The following SH3BP4 variants were observed in gnomAD, a reference collection of about 807,000 sequenced individuals.
The protein encoded by SH3BP4 is SH3 domain binding protein 4.
SH3BP4 carries 33 observed loss-of-function variants against 65.5 expected under a neutral mutation model. The ratio of observed to expected loss-of-function variants is 0.50; its 90% CI spans 0.38 to 0.67. The LOEUF (loss-of-function observed/expected upper bound fraction) is 0.67, where lower values mean the gene tolerates loss of function less well. SH3BP4 is among the 30% of genes least tolerant of loss of function. The probability of loss-of-function intolerance (pLI) is 0.00; values close to 1 mark genes in which losing one functional copy is unlikely to be tolerated. For missense variants in SH3BP4, 1,134 were observed against 1,261.4 expected, an observed-to-expected ratio of 0.90 and a Z score of 1.53; for synonymous variants, 552 against 545.5, an observed-to-expected ratio of 1.01 and a Z score of -0.17.
intron 2 of SH3BP4, among the ~76,000 whole-genome samples, chr2:235,015,847 T>C (rs1404439838): frequency 7.2e-5 from 11 of 152,078 alleles, no homozygotes; most frequent in Admixed American, 7.2e-4. Context: ...GGTGTCCTCC[T>C]GCATGGTATT....
chr2:235,037,256 A>G (rs1695416139), intron 3 of SH3BP4, among the ~76,000 whole-genome samples: 1 of 152,132 alleles, frequency 6.6e-6, no homozygotes, highest in Admixed American at 6.6e-5. Flanking sequence ...CTGGCATTTG[A>G]TGGGATGGAA....
intron 1 of SH3BP4, among the ~76,000 whole-genome samples, chr2:234,985,608 C>T (rs1171274092): frequency 6.6e-6 from 1 of 151,840 alleles, no homozygotes; most frequent in Non-Finnish European, 1.5e-5. Flanking sequence ...GTATTTTTGA[C>T]CCTCTGCGCA....
At position 235,042,733 on chromosome 2, in the gene SH3BP4, G is replaced by C. The variant is rs781501370; in HGVS notation, c.1964G>C (p.Ser655Thr). The C allele has an allele frequency of 1.2e-6, 2 of 1,614,210 alleles. No individual in the cohort carries two copies. The highest frequency in any genetic ancestry group is 1.7e-6 in the Non-Finnish European group (2 of 1,180,048). Residue 655 changes from serine to threonine, a missense_variant, in exon 4 of 6, where the codon AGC becomes ACC. Transcript: ENST00000392011. The surrounding 1 kb of genome is among the most constrained non-coding windows in gnomAD (Gnocchi z 7.3). Reference sequence around the variant, plus strand: ...ACTTTCCAGGACCGCCCGGTGTCCAGCCTCAAGTTTGGTAAGTTGCTCAAG... The same window carrying C: ...ACTTTCCAGGACCGCCCGGTGTCCACCCTCAAGTTTGGTAAGTTGCTCAAG... ...YPTFQDRPVS[S>T]LKFGKLLKTV...
At chr2:234,965,331 CTT>C (rs1431910401) in intron 1 of SH3BP4, among the ~76,000 whole-genome samples, 1 of 152,204 alleles carries the variant, frequency 6.6e-6, no homozygotes, top group Non-Finnish European at 1.5e-5. Flanking sequence ...TGTGTCCTGG[CTT>C]TAATTGTCAG....
chr2:235,039,382 A>G (rs1275297994), intron 3 of SH3BP4, among the ~76,000 whole-genome samples: 3 of 152,100 alleles, frequency 2.0e-5, no homozygotes. Flanking sequence ...GGGCAATTTG[A>G]TAGAATACGA....
At chr2:234,954,159 TTTA>T (rs1316521659) in intron 1 of SH3BP4, among the ~76,000 whole-genome samples, 1 of 152,086 alleles carries the variant, frequency 6.6e-6, no homozygotes, top group African/African-American at 2.4e-5. Context: ...TTCTGTGAGC[TTTA>T]TTATTATTTT....
Position 235,041,520 on chromosome 2 carries a change from T to C in SH3BP4, c.751T>C (p.Ser251Pro), listed in dbSNP as rs763531068. Reference protein sequence around the residue: ...SKRSYSLSELSVLQAKSDAPT... With the variant: ...SKRSYSLSELPVLQAKSDAPT... ...GCGCTCCTACAGTCTCTCGGAACTC[T>C]CCGTCCTCCAAGCCAAGTCCGATGC... The change falls in exon 4 of 6, where the codon TCC (serine) becomes CCC (proline). Residue 251 changes from serine to proline, a missense_variant. Ser to Pro is a moderately conservative substitution (Grantham distance 74). Coordinates refer to ENST00000392011, the MANE Select transcript of SH3BP4 (RefSeq NM_014521.3). This position sits in a 1 kb window ranked among gnomAD's most constrained non-coding sequence, Gnocchi z 6.0. 6.2e-7 allele frequency: 1 copy of C among 1,614,114 alleles called. No individual in the cohort carries two copies. Among genetic ancestry groups the C allele is most frequent in the Non-Finnish European group, 8.5e-7 (1 of 1,180,026 alleles).
intron 3 of SH3BP4, among the ~76,000 whole-genome samples, chr2:235,036,112 A>G (rs531337548): frequency 1.3e-5 from 2 of 152,346 alleles, no homozygotes; most frequent in Non-Finnish European, 2.9e-5. Context: ...CAAAAATTAT[A>G]TGCACTGTGT....
chr2:235,034,982 A>T lies in SH3BP4; in HGVS notation c.-21A>T. 1 of 1,603,760 alleles carries T rather than the reference A, an allele frequency of 6.2e-7. No individual in the cohort carries two copies. Among genetic ancestry groups the T allele is most frequent in the Non-Finnish European group, 8.5e-7 (1 of 1,171,068 alleles). ...AGAAATATGAAGCCTTAGCGGCTTT[A>T]CCCGGGAAGCGAGTTTCGAGATGGC... On this transcript the variant is annotated 5_prime_UTR_variant, in exon 3 of 6. Transcript: ENST00000392011. The surrounding 1 kb of genome is among the most constrained non-coding windows in gnomAD (Gnocchi z 6.2).
In SH3BP4 at chr2:235,043,089, G is replaced by A. The variant is rs1025250194; in HGVS notation, c.2320G>A (p.Asp774Asn). 8.7e-6 allele frequency: 14 copies of A among 1,613,490 alleles called. No homozygotes were observed. The highest frequency in any genetic ancestry group is 1.2e-5 in the Non-Finnish European group (14 of 1,179,838). Residue 774 changes from aspartate to asparagine, a missense_variant, in exon 4 of 6, where the codon GAC becomes AAC. Asp to Asn is a conservative substitution (Grantham distance 23). Transcript: ENST00000392011. ...ENISSWRSFA[D>N]ALGYVNLPLT... ...CATCAGCAGCTGGCGCTCCTTCGCT[G>A]ACGCCCTGGGCTACGTGAACCTGCC...
intron 3 of SH3BP4, among the ~76,000 whole-genome samples, chr2:235,038,384 T>TATA (rs1559254735): frequency 6.1e-5 from 1 of 16,512 alleles, no homozygotes; most frequent in African/African-American, 5.4e-4. Flanking sequence ...TACATATATA[T>TATA]ATATATATAT....
chr2:234,961,313 C>G (rs1692702054), intron 1 of SH3BP4, among the ~76,000 whole-genome samples: 1 of 152,116 alleles, frequency 6.6e-6, no homozygotes, highest in South Asian at 2.1e-4. Context: ...GCTCTGTCGC[C>G]CAGGCTGGAG....
chr2:234,982,590 C>T lies in SH3BP4; in HGVS notation c.-206-12713C>T, dbSNP rs546185383. On this transcript the variant is annotated intron_variant, in intron 1 of 5. Coordinates refer to ENST00000392011, the MANE Select transcript of SH3BP4 (RefSeq NM_014521.3). ...GAGTCTGGGTGGCAGGTGGGCTATC[C>T]CCGAGACCTGGGAACACAGGCTGCG... is the stretch of plus-strand genomic sequence containing the variant. Among the ~76,000 whole-genome samples the T allele has an allele frequency of 1.2e-4, 19 of 152,178 alleles. No homozygotes were observed. The East Asian group carries it at 3.3e-3, about 26-fold the overall frequency.
chr2:235,036,740 A>AAAAAAAAAAAAATAATAATAATAAT (rs146049108), intron 3 of SH3BP4, among the ~76,000 whole-genome samples: 16 of 141,738 alleles, frequency 1.1e-4, no homozygotes, highest in South Asian at 4.6e-4. Flanking sequence ...TCTATATAAA[A>AAAAAAAAAAAAATAATAATAATAAT]AATAATAATA....
intron 1 of SH3BP4, among the ~76,000 whole-genome samples, chr2:234,988,281 G>T (rs953177556): frequency 1.3e-5 from 2 of 152,024 alleles, no homozygotes; most frequent in Admixed American, 1.3e-4. Context: ...GGATAGTCTT[G>T]ATCTCCTGAC....
At chr2:235,017,515 A>G (rs1694726900) in intron 2 of SH3BP4, among the ~76,000 whole-genome samples, 1 of 151,722 alleles carries the variant, frequency 6.6e-6, no homozygotes, top group Non-Finnish European at 1.5e-5. Flanking sequence ...TGTCATCCAT[A>G]GATCAGACTT....
rs1293544184 is a variant in SH3BP4 at position 235,034,606 on chromosome 2, G to A, written c.-132-265G>A. On this transcript the variant is annotated intron_variant, in intron 2 of 5. Transcript: ENST00000392011. This position sits in a 1 kb window ranked among gnomAD's most constrained non-coding sequence, Gnocchi z 6.2. The stretch of plus-strand genomic sequence containing the variant: ...GAGCACATTTCGCAAACACCCTTAC[G>A]CCCCTAAGAAGAGCAGGTGCAAACA... Among the ~76,000 whole-genome samples the A allele has an allele frequency of 2.6e-5, 4 of 152,306 alleles. No homozygotes were observed. The highest frequency in any genetic ancestry group is 1.9e-4 in the East Asian group (1 of 5,176).
intron 2 of SH3BP4, among the ~76,000 whole-genome samples, chr2:235,011,142 CCTTCCTCCCTCTCCT>C (rs1694487587): frequency 7.5e-6 from 1 of 133,204 alleles, no homozygotes; most frequent in Middle Eastern, 3.8e-3. Flanking sequence ...CTAGGAGAAC[CCTTCCTCCCTCTCCT>C]AGGAGAACCC....
intron 1 of SH3BP4, among the ~76,000 whole-genome samples, chr2:234,972,632 C>A (rs1200654630): frequency 6.6e-6 from 1 of 152,008 alleles, no homozygotes; most frequent in African/African-American, 2.4e-5. Flanking sequence ...AAGACTGAGG[C>A]AGGAGGATGG....
Sources: gnomAD v4.1 joint callset for allele counts (sites outside exome capture counted in the v4.1 genomes callset) on GRCh38, gnomAD v4.1.1 for gene constraint, Gnocchi (gnomAD v3.1) non-coding constraint, MANE v1.5 for transcripts, NCBI Gene and HGNC (gene_info 2026-07-23, HGNC 2026-07-21) for gene names.